Variants in PAX4 observed in about 807,000 individuals in gnomAD.
The protein encoded by PAX4 is paired box protein Pax-4.
In PAX4, 33 loss-of-function variants were observed where a neutral mutation model predicts 40.6. The ratio of observed to expected loss-of-function variants is 0.81; its 90% CI spans 0.62 to 1.09. The LOEUF (loss-of-function observed/expected upper bound fraction) is 1.09, where lower values mean the gene tolerates loss of function less well. Among genes scored for constraint, PAX4 ranks in the 50% least tolerant of loss-of-function variants. The pLI, the probability that PAX4 is intolerant of heterozygous loss-of-function variation, is 0.00. For synonymous variants in PAX4, 174 were observed against 170.6 expected, an observed-to-expected ratio of 1.02 and a Z score of -0.16; for missense variants, 459 against 442.5, an observed-to-expected ratio of 1.04 and a Z score of -0.33.
In PAX4 at chr7:127,611,208, T is replaced by C. The variant is rs765877670; in HGVS notation, c.914-2A>G. 1.3e-6 allele frequency: 2 copies of C among 1,594,786 alleles called. No individual in the cohort carries two copies. The highest frequency in any genetic ancestry group is 1.9e-4 in the Middle Eastern group (1 of 5,172). ...AATTCGGCTGTGGGGGCAAGTGGCC[T>C]GTGGGGACAAATAGAGAGAGCTTGG... On this transcript the variant is annotated splice_acceptor_variant, in intron 11 of 11. Coordinates refer to ENST00000639438, the MANE Select transcript of PAX4 (RefSeq NM_001366110.1). LOFTEE classifies it high-confidence loss of function.
chr7:127,612,131 G>A (rs1003944193), intron 9 of PAX4, 131 bp from the exon 10 acceptor site: 2 of 826,016 alleles, frequency 2.4e-6, no homozygotes, highest in Non-Finnish European at 4.0e-6. Context: ...GGGGTGTGAA[G>A]AGATGGATAT....
In PAX4 at chr7:127,611,205, G is replaced by A. The variant is rs757705365; in HGVS notation, c.915C>T (p.Gly305=). 6.3e-7 allele frequency: 1 copy of A among 1,596,170 alleles called. No individual in the cohort carries two copies. The highest frequency in any genetic ancestry group is 2.3e-5 in the East Asian group (1 of 44,444). ...GGGAATTCGGCTGTGGGGGCAAGTG[G>A]CCTGTGGGGACAAATAGAGAGAGCT... The part of the protein sequence containing the change: ...PPKACLKPCW[G]HLPPQPNSLD... The change falls in exon 12 of 12, where the codon GGC becomes GGT. Residue 305 remains glycine, a splice_region_variant and synonymous_variant. Transcript: ENST00000639438.
intron 11 of PAX4, 44 bp downstream of exon 11, chr7:127,611,491 C>T (rs746127810): frequency 6.2e-7 from 1 of 1,612,602 alleles, no homozygotes; most frequent in South Asian, 1.1e-5. Context: ...GTCAGTCGAC[C>T]CTCCCTACAT....
intron 9 of PAX4, among the ~76,000 whole-genome samples, chr7:127,612,278 TCTGGCA>T (rs1457741364): frequency 6.6e-6 from 1 of 152,178 alleles, no homozygotes. Flanking sequence ...TAGCACAGGG[TCTGGCA>T]CTGGGGAGAT....
rs747060539 is a variant in PAX4 at position 127,615,441 on chromosome 7, A to T, written c.104T>A (p.Val35Asp). The T allele has an allele frequency of 7.4e-6, 12 of 1,613,980 alleles. 1 individual carries two copies. The highest frequency in any genetic ancestry group is 3.3e-4 in the Middle Eastern group (2 of 6,084). Reference protein sequence around the residue: ...DTRQQIVRLAVSGMRPCDISR... With the variant: ...DTRQQIVRLADSGMRPCDISR... ...GATGTCACAGGGCCGCATTCCACTG[A>T]CTGCTAGCCGCACAATCTGCTGCCG... Residue 35 changes from valine (V) to aspartate (D), a missense_variant, in exon 4 of 12, where the codon GTC becomes GAC. Transcript: ENST00000639438.
chr7:127,615,072 C>T lies in PAX4; in HGVS notation c.168G>A (p.Lys56=). The T allele has an allele frequency of 6.2e-7, 1 of 1,614,210 alleles. No individual in the cohort carries two copies. The highest frequency in any genetic ancestry group is 8.5e-7 in the Non-Finnish European group (1 of 1,180,048). The part of the protein sequence containing the change: ...ILKVSNGCVS[K]ILGRYYRTGV... ...CTGTGCGGTAGTAACGCCCTAGGAT[C>T]TTGCTCACACAGCCATTAGATACCT... The change falls in exon 5 of 12, where the codon AAG becomes AAA. Residue 56 remains lysine, a synonymous_variant. Transcript: ENST00000639438.
In PAX4 at chr7:127,615,404, A is replaced by C. The variant is rs1426925413; in HGVS notation, c.141T>G (p.Leu47=). ...GGTAAAGGTGCTGGCCCATTACCTT[A>C]AGGATCCGTGAGATGTCACAGGGCC... is the stretch of plus-strand genomic sequence containing the variant. The part of the protein sequence containing the change: ...GMRPCDISRI[L]KVSNGCVSKI... The change falls in exon 4 of 12, where the codon CTT becomes CTG. Residue 47 remains leucine (L), a synonymous_variant. Transcript: ENST00000639438. 6.2e-7 allele frequency: 1 copy of C among 1,614,110 alleles called. No individual in the cohort carries two copies. Among genetic ancestry groups the C allele is most frequent in the East Asian group, 2.2e-5 (1 of 44,880 alleles).
chr7:127,611,291 G>T (rs921230734), intron 11 of PAX4, 85 bp from the exon 12 acceptor site: 59 of 1,364,110 alleles, frequency 4.3e-5, no homozygotes, highest in Non-Finnish European at 6.1e-5. Flanking sequence ...TGAGACATCA[G>T]TTTCCCACCC....
At chr7:127,611,890 GC>G in intron 10 of PAX4, 54 bp downstream of exon 10, 2 of 1,611,134 alleles carry the variant, frequency 1.2e-6, no homozygotes, top group South Asian at 2.2e-5. Context: ...AAATGGAAGA[GC>G]CCATGAGCCC....
At chr7:127,613,662 C>A (rs1794674465) in intron 7 of PAX4, 94 bp downstream of exon 7, 1 of 1,601,610 alleles carries the variant, frequency 6.2e-7, no homozygotes, top group East Asian at 2.2e-5. Context: ...CCACTCACAC[C>A]TGCACCTCTC....
Position 127,615,548 on chromosome 7 carries a change from G to A in PAX4, c.14-17C>T, listed in dbSNP as rs2116144592. ...TGCTGATCCCTGGGCGTGAGACAGAGGTATCCACACACCACCTCTCCCACT... is the reference window on the plus strand; with the variant it reads ...TGCTGATCCCTGGGCGTGAGACAGAAGTATCCACACACCACCTCTCCCACT... On this transcript the variant is annotated splice_polypyrimidine_tract_variant and intron_variant, in intron 3 of 11. Coordinates refer to ENST00000639438, the MANE Select transcript of PAX4 (RefSeq NM_001366110.1). The A allele has an allele frequency of 6.2e-7, 1 of 1,613,500 alleles. No homozygotes were observed. Among genetic ancestry groups the A allele is most frequent in the East Asian group, 2.2e-5 (1 of 44,884 alleles).
chr7:127,614,861 G>GTT lies in PAX4; in HGVS notation c.360+18_360+19insAA. 1.2e-6 allele frequency: 2 copies of GTT among 1,612,530 alleles called. No homozygotes were observed. The highest frequency in any genetic ancestry group is 8.5e-7 in the Non-Finnish European group (1 of 1,179,230). On this transcript the variant is annotated intron_variant, in intron 5 of 11. Transcript: ENST00000639438. The stretch of plus-strand genomic sequence containing the variant: ...AAGCCTCTTTTCCAGCCCCAGTGTG[G>GTT]GGAGGGAAGGGTACTTACACTGGGA...
At position 127,614,970 on chromosome 7, in the gene PAX4, C is replaced by T; in HGVS notation, c.270G>A (p.Gln90=). 1.2e-6 allele frequency: 2 copies of T among 1,614,222 alleles called. No homozygotes were observed. The highest frequency in any genetic ancestry group is 1.7e-6 in the Non-Finnish European group (2 of 1,180,038). ...AGAGGGCTGGACACTCACCCTTCAGCTGGGCAATTCGAGCCACCACAGGGG... is the reference window on the plus strand; with the variant it reads ...AGAGGGCTGGACACTCACCCTTCAGTTGGGCAATTCGAGCCACCACAGGGG... The part of the protein sequence containing the change: ...ATPPVVARIA[Q]LKGECPALFA... Residue 90 remains glutamine (Q), a synonymous_variant, in exon 5 of 12, where the codon CAG becomes CAA. Transcript: ENST00000639438.
At chr7:127,614,101 G>T (rs1198580247) in intron 6 of PAX4, among the ~76,000 whole-genome samples, 1 of 152,044 alleles carries the variant, frequency 6.6e-6, no homozygotes, top group Non-Finnish European at 1.5e-5. Flanking sequence ...GCAAGAGTTT[G>T]GAGGGACAAG....
Position 127,610,930 on chromosome 7 carries a change from C to T in PAX4, c.*134G>A. The T allele has an allele frequency of 6.5e-7, 1 of 1,548,616 alleles. No homozygotes were observed. The highest frequency in any genetic ancestry group is 8.7e-7 in the Non-Finnish European group (1 of 1,146,988). Reference sequence around the variant, plus strand: ...GCGCCAGAGAGGCATCGAGGCAGGGCCAGGCAACGTCCACACAGGAGGGAG... The same window carrying T: ...GCGCCAGAGAGGCATCGAGGCAGGGTCAGGCAACGTCCACACAGGAGGGAG... On this transcript the variant is annotated 3_prime_UTR_variant, in exon 12 of 12. Transcript: ENST00000639438.
chr7:127,613,461 C>T lies in PAX4; in HGVS notation c.634G>A (p.Asp212Asn). The T allele has an allele frequency of 6.2e-7, 1 of 1,614,102 alleles. No individual in the cohort carries two copies. Among genetic ancestry groups the T allele is most frequent in the Non-Finnish European group, 8.5e-7 (1 of 1,179,950 alleles). Reference sequence around the variant, plus strand: ...CAGAGCTCACTCACCCTCACCGTGTCCTCAGGCAGAGAGGTGGCAGTAGCC... The same window carrying T: ...CAGAGCTCACTCACCCTCACCGTGTTCTCAGGCAGAGAGGTGGCAGTAGCC... The part of the protein sequence containing the change: ...KLATATSLPE[D>N]TVRVWFSNRR... The change falls in exon 8 of 12, where the codon GAC (aspartate) becomes AAC (asparagine). Residue 212 changes from aspartate (D) to asparagine (N), a missense_variant. Physicochemically the swap from Asp to Asn is conservative, Grantham distance 23. Coordinates refer to ENST00000639438, the MANE Select transcript of PAX4 (RefSeq NM_001366110.1).
chr7:127,612,351 A>G (rs1794641388), intron 9 of PAX4, among the ~76,000 whole-genome samples: 2 of 152,078 alleles, frequency 1.3e-5, no homozygotes, highest in East Asian at 1.9e-4. Flanking sequence ...GGAAAGATGG[A>G]TGGATGGATG....
At position 127,615,048 on chromosome 7, in the gene PAX4, T is replaced by A; in HGVS notation, c.192A>T (p.Thr64=). Residue 64 remains threonine, a synonymous_variant, in exon 5 of 12, where the codon ACA becomes ACT. Transcript: ENST00000639438. ...VSKILGRYYR[T]GVLEPKGIGG... is the part of the protein sequence containing the mutation. Reference sequence around the variant, plus strand: ...CAATGCCCTTTGGCTCCAAGACACCTGTGCGGTAGTAACGCCCTAGGATCT... The same window carrying A: ...CAATGCCCTTTGGCTCCAAGACACCAGTGCGGTAGTAACGCCCTAGGATCT... 1 of 1,614,206 alleles carries A rather than the reference T, an allele frequency of 6.2e-7. No homozygotes were observed. Among genetic ancestry groups the A allele is most frequent in the Non-Finnish European group, 8.5e-7 (1 of 1,180,034 alleles).
intron 5 of PAX4, 57 bp from the exon 6 acceptor site, chr7:127,614,614 T>A: frequency 7.1e-7 from 1 of 1,413,232 alleles, no homozygotes; most frequent in South Asian, 1.2e-5. Context: ...GGCTATACCC[T>A]GAGGATGTTG....
Sources: allele counts gnomAD v4.1 joint callset (sites outside exome capture counted in the v4.1 genomes callset), GRCh38; gene constraint gnomAD v4.1.1; transcripts MANE v1.5; gene names NCBI Gene and HGNC (gene_info 2026-07-23, HGNC 2026-07-21).